ADAM22: variants seen among roughly 807,000 people sequenced by gnomAD.
The protein encoded by ADAM22 is disintegrin and metalloproteinase domain-containing protein 22.
A neutral mutation model predicts 144.6 loss-of-function variants in ADAM22; 65 were observed. The observed-to-expected ratio is 0.45, with a 90% CI of 0.37 to 0.55. ADAM22 has a LOEUF of 0.55. Ranked by LOEUF, ADAM22 falls within the 20% of genes least tolerant of loss-of-function variation. The probability of loss-of-function intolerance (pLI) is 0.00; values close to 1 mark genes in which losing one functional copy is unlikely to be tolerated. For synonymous variants in ADAM22, 391 were observed against 412.6 expected (o/e 0.95, Z 0.63); for missense variants, 974 against 1,184.9 (o/e 0.82, Z 2.61).
At chr7:87,934,852 T>G in intron 1 of ADAM22, 174 bp from the exon 2 acceptor site, 3 of 911,312 alleles carry the variant, frequency 3.3e-6, no homozygotes, top group Non-Finnish European at 5.1e-6. Flanking sequence ...GATGAGCTGG[T>G]CCAAGGCTCT....
intron 3 of ADAM22, among the ~76,000 whole-genome samples, chr7:88,038,219 C>T (rs537984405): frequency 6.6e-6 from 1 of 152,178 alleles, no homozygotes; most frequent in South Asian, 2.1e-4. Context: ...TGATAAGTTT[C>T]AGGAATAATT....
At chr7:88,077,745 G>C (rs1025159894) in intron 4 of ADAM22, among the ~76,000 whole-genome samples, 8 of 152,190 alleles carry the variant, frequency 5.3e-5, no homozygotes, top group African/African-American at 1.9e-4. Context: ...CTCGCTGATT[G>C]CTAGCACAGC....
intron 2 of ADAM22, among the ~76,000 whole-genome samples, chr7:87,952,566 G>A (rs1845522906): frequency 1.3e-5 from 2 of 151,814 alleles, no homozygotes; most frequent in African/African-American, 4.8e-5. Context: ...GAGGATTTTT[G>A]CATCAATGTT....
At chr7:88,071,252 T>C (rs1812701003) in intron 3 of ADAM22, among the ~76,000 whole-genome samples, 1 of 151,986 alleles carries the variant, frequency 6.6e-6, no homozygotes, top group African/African-American at 2.4e-5. Flanking sequence ...GGTTTTAAGT[T>C]CCAAAACAGT....
Position 88,083,763 on chromosome 7 carries a change from A to G in ADAM22, c.390+8071A>G, listed in dbSNP as rs114954831. ...AATTCTTGTAAGCGACCTAGATGTA[A>G]TAATTATGCCTGTCTCTCCAGAAAG... is the stretch of plus-strand genomic sequence containing the variant. On this transcript the variant is annotated intron_variant, in intron 4 of 31. Coordinates refer to ENST00000413139, the MANE Select transcript of ADAM22 (RefSeq NM_001324418.2). Among the ~76,000 whole-genome samples, 401 of 152,210 alleles carry G rather than the reference A, an allele frequency of 2.6e-3. 3 individuals carry two copies. The highest frequency in any genetic ancestry group is 9.3e-3 in the African/African-American group (386 of 41,524).
At chr7:88,137,274 T>TTA (rs1833221940) in intron 14 of ADAM22, among the ~76,000 whole-genome samples, 1 of 152,206 alleles carries the variant, frequency 6.6e-6, no homozygotes, top group South Asian at 2.1e-4. Context: ...AATGCCATTC[T>TTA]CCTGCTGAGA....
At chr7:88,074,536 G>GATA (rs1813690044) in intron 3 of ADAM22, among the ~76,000 whole-genome samples, 6 of 152,148 alleles carry the variant, frequency 3.9e-5, no homozygotes, top group African/African-American at 1.2e-4. Flanking sequence ...GATGATAAAT[G>GATA]TCCTGATTGT....
In ADAM22 at chr7:88,110,645, C is replaced by A. The variant is rs988242612; in HGVS notation, c.473+2387C>A. Among the ~76,000 whole-genome samples the A allele has an allele frequency of 2.0e-5, 3 of 150,092 alleles. No homozygotes were observed. In the East Asian group the frequency reaches 6.0e-4, roughly 30 times the overall value. On this transcript the variant is annotated intron_variant, in intron 5 of 31. Transcript: ENST00000413139. ...GCCACCATGCCCACTTTTCTTTTTT[C>A]TTTTCTTTTCTTTTTTTTCTTTTCT...
intron 3 of ADAM22, among the ~76,000 whole-genome samples, chr7:88,011,914 T>C (rs900692391): frequency 6.6e-6 from 1 of 152,230 alleles, no homozygotes; most frequent in African/African-American, 2.4e-5. Flanking sequence ...TTGACTGTTA[T>C]GATTTCAAAT....
intron 30 of ADAM22, among the ~76,000 whole-genome samples, chr7:88,189,706 G>A (rs190970972): frequency 1.2e-4 from 19 of 152,292 alleles, no homozygotes; most frequent in Admixed American, 1.3e-4. Context: ...AGCACTTTGG[G>A]AGGCCAAGGT....
intron 3 of ADAM22, among the ~76,000 whole-genome samples, chr7:88,007,438 C>A (rs1794199701): frequency 6.6e-6 from 1 of 152,124 alleles, no homozygotes; most frequent in Admixed American, 6.5e-5. Context: ...CCCGCATTGC[C>A]AAGTCAATCC....
At chr7:88,035,095 GC>G in intron 3 of ADAM22, among the ~76,000 whole-genome samples, 1 of 152,114 alleles carries the variant, frequency 6.6e-6, no homozygotes. Context: ...TGGCCATCTT[GC>G]CCTGCCTCAT....
intron 4 of ADAM22, among the ~76,000 whole-genome samples, chr7:88,077,460 C>T (rs560944546): frequency 6.6e-5 from 10 of 152,206 alleles, no homozygotes; most frequent in Non-Finnish European, 1.2e-4. Context: ...ACTGAGGTAC[C>T]GGGTTCATCT....
intron 2 of ADAM22, among the ~76,000 whole-genome samples, chr7:87,942,337 G>A (rs1015249101): frequency 3.3e-5 from 5 of 151,984 alleles, no homozygotes; most frequent in Non-Finnish European, 5.9e-5. Context: ...AATTCATTGC[G>A]TCCTCAAAAA....
At chr7:87,985,441 AT>A (rs1367360420) in intron 3 of ADAM22, among the ~76,000 whole-genome samples, 2 of 152,062 alleles carry the variant, frequency 1.3e-5, no homozygotes, top group African/African-American at 2.4e-5. Context: ...AATGCTTTTC[AT>A]TTTTCAACAA....
chr7:88,077,613 A>T (rs1413680281), intron 4 of ADAM22, among the ~76,000 whole-genome samples: 2 of 152,210 alleles, frequency 1.3e-5, no homozygotes, highest in African/African-American at 4.8e-5. Context: ...GGGGTGACAG[A>T]CGACACCTGG....
intron 6 of ADAM22, among the ~76,000 whole-genome samples, chr7:88,115,588 A>ATC (rs1302039092): frequency 1.3e-5 from 2 of 152,110 alleles, no homozygotes; most frequent in Non-Finnish European, 2.9e-5. Flanking sequence ...CTGAATAAGG[A>ATC]TCTCACCCTT....
At chr7:88,112,692 C>T (rs934077688) in intron 5 of ADAM22, among the ~76,000 whole-genome samples, 2 of 152,102 alleles carry the variant, frequency 1.3e-5, no homozygotes, top group African/African-American at 2.4e-5. Flanking sequence ...CCCCAGCCTA[C>T]GAGGTCCAAA....
In ADAM22 at chr7:88,196,558, T is replaced by C. The variant is rs1850711614; in HGVS notation, c.*67T>C. On this transcript the variant is annotated 3_prime_UTR_variant, in exon 32 of 32. Coordinates refer to ENST00000413139, the MANE Select transcript of ADAM22 (RefSeq NM_001324418.2). ...CAACTTTTATAGAAACCCAGGCTCATGGAATCACTGCAAATCTATCTGCTC... is the reference window on the plus strand; with the variant it reads ...CAACTTTTATAGAAACCCAGGCTCACGGAATCACTGCAAATCTATCTGCTC... 6.6e-6 allele frequency: 10 copies of C among 1,521,248 alleles called. No homozygotes were observed. In the South Asian group the frequency reaches 9.0e-5, roughly 14 times the overall value. 94.2% of individuals were successfully genotyped at this position (1,521,248 alleles called of 1,614,324 possible). A position where few individuals can be genotyped will look rare whatever the true frequency, so the allele number is the denominator to read the frequency against.
Sources: gnomAD v4.1 joint callset for allele counts (sites outside exome capture counted in the v4.1 genomes callset) on GRCh38, gnomAD v4.1.1 for gene constraint, MANE v1.5 for transcripts, NCBI Gene and HGNC (gene_info 2026-07-23, HGNC 2026-07-21) for gene names.